FBXO16: variants seen among roughly 807,000 people sequenced by gnomAD.
FBXO16 encodes the protein F-box only protein 16.
Under a neutral mutation model 41.0 loss-of-function variants are expected in FBXO16, and 31 were observed. That is an observed-to-expected ratio of 0.76 (90% CI 0.57 to 1.02). The LOEUF (loss-of-function observed/expected upper bound fraction) is 1.02, where lower values mean the gene tolerates loss of function less well. Ranked by LOEUF, FBXO16 falls within the 50% of genes least tolerant of loss-of-function variation. The pLI, the probability that FBXO16 is intolerant of heterozygous loss-of-function variation, is 0.00. For missense variants in FBXO16, 361 were observed against 346.2 expected (o/e 1.04, Z -0.34); for synonymous variants, 133 against 117.8 (o/e 1.13, Z -0.84).
In FBXO16 at chr8:28,479,693, T is replaced by C. The variant is rs6997914; in HGVS notation, c.99+3655A>G. ...TGCAAACAGGTGCTCAGTAAATTACTGTTGAGCTGGATAAAAACTATTTTC... is the reference window on the plus strand; with the variant it reads ...TGCAAACAGGTGCTCAGTAAATTACCGTTGAGCTGGATAAAAACTATTTTC... On this transcript the variant is annotated intron_variant, in intron 2 of 8. Coordinates refer to ENST00000380254, the MANE Select transcript of FBXO16 (RefSeq NM_172366.4). Among the ~76,000 whole-genome samples, 476 of 152,176 alleles carry C rather than the reference T, an allele frequency of 3.1e-3. 3 individuals are homozygous for C. The highest frequency in any genetic ancestry group is 0.011 in the African/African-American group (440 of 41,540).
intron 1 of FBXO16, among the ~76,000 whole-genome samples, chr8:28,486,553 T>C (rs907238504): frequency 1.3e-5 from 2 of 152,006 alleles, no homozygotes; most frequent in African/African-American, 4.8e-5. Context: ...AAACTAGTTG[T>C]TTTGTTGCCT....
In FBXO16 at chr8:28,458,110, TTAAA is replaced by T. The variant is rs370028852; in HGVS notation, c.343-1184_343-1181del. Among the ~76,000 whole-genome samples, 95 of 152,350 alleles carry T rather than the reference TTAAA, an allele frequency of 6.2e-4. 5 individuals carry two copies. The South Asian group carries it at 0.02, about 32-fold the overall frequency. The stretch of plus-strand genomic sequence containing the variant: ...AAACTGGCCTCTTTTTCAAGATCAA[TTAAA>T]TAATTAATAATTTTTGAGTGCCCCC... On this transcript the variant is annotated intron_variant, in intron 4 of 8. Transcript: ENST00000380254.
chr8:28,465,325 G>C (rs536380953), intron 3 of FBXO16: 9 of 426,738 alleles, frequency 2.1e-5, no homozygotes, highest in Admixed American at 7.5e-5. Flanking sequence ...GAAATGTGTT[G>C]AAGAAAGGAG....
rs1309398278 is a variant in FBXO16 at position 28,459,628 on chromosome 8, AT to A, written c.343-2699del. ...AGAGCGAGACCCTGTCTCAAAAATA[AT>A]AATAATAATAATAATAATAATAATA... is the stretch of plus-strand genomic sequence containing the variant. On this transcript the variant is annotated intron_variant, in intron 4 of 8. Transcript: ENST00000380254. Among the ~76,000 whole-genome samples, 20 of 123,524 alleles carry A rather than the reference AT, an allele frequency of 1.6e-4. 1 individual carries two copies. The highest frequency in any genetic ancestry group is 5.8e-4 in the African/African-American group (18 of 30,790). The allele number at this position is 123,524 out of a possible 152,430, so 81.0% of individuals were successfully genotyped here. A position where few individuals can be genotyped will look rare whatever the true frequency, so the allele number is the denominator to read the frequency against.
intron 3 of FBXO16, among the ~76,000 whole-genome samples, chr8:28,469,197 C>T (rs1437875286): frequency 6.6e-6 from 1 of 151,948 alleles, no homozygotes; most frequent in Admixed American, 6.6e-5. Flanking sequence ...CCTGTAATCC[C>T]AGCTACTCGG....
chr8:28,469,583 C>T (rs1035769550), intron 3 of FBXO16, among the ~76,000 whole-genome samples: 2 of 152,138 alleles, frequency 1.3e-5, no homozygotes, highest in Non-Finnish European at 2.9e-5. Flanking sequence ...ACACCCATCC[C>T]AGGGAACACT....
intron 1 of FBXO16, among the ~76,000 whole-genome samples, chr8:28,485,853 A>G (rs1426878673): frequency 6.6e-6 from 1 of 152,230 alleles, no homozygotes; most frequent in African/African-American, 2.4e-5. Flanking sequence ...CACACCTGTA[A>G]TAGCAGCACT....
intron 7 of FBXO16, among the ~76,000 whole-genome samples, chr8:28,440,446 G>A (rs1446461806): frequency 6.6e-6 from 1 of 152,116 alleles, no homozygotes; most frequent in African/African-American, 2.4e-5. Flanking sequence ...GAATTTGAGT[G>A]ACTACTCATT....
chr8:28,479,516 CTAAT>C (rs1055830974), intron 2 of FBXO16, among the ~76,000 whole-genome samples: 3 of 152,248 alleles, frequency 2.0e-5, no homozygotes, highest in Middle Eastern at 3.4e-3. Flanking sequence ...ATCAAGGAAT[CTAAT>C]TAACGCATAT....
chr8:28,471,639 G>A (rs1391150240), intron 3 of FBXO16, among the ~76,000 whole-genome samples: 2 of 151,888 alleles, frequency 1.3e-5, no homozygotes, highest in African/African-American at 4.8e-5. Context: ...TGATTTTAAG[G>A]AATAAGTTTG....
intron 7 of FBXO16, among the ~76,000 whole-genome samples, chr8:28,429,855 C>T (rs149834293): frequency 2.6e-5 from 4 of 152,300 alleles, no homozygotes; most frequent in South Asian, 2.1e-4. Flanking sequence ...GCAGTCCTCC[C>T]GTAAGTCTAA....
chr8:28,461,291 T>A (rs1803130593), intron 4 of FBXO16, among the ~76,000 whole-genome samples: 1 of 152,188 alleles, frequency 6.6e-6, no homozygotes, highest in South Asian at 2.1e-4. Flanking sequence ...GCAAAGGGAA[T>A]TTTTATTTGA....
intron 4 of FBXO16, among the ~76,000 whole-genome samples, chr8:28,460,245 A>ATATAT (rs1477457728): frequency 6.3e-4 from 54 of 85,446 alleles, no homozygotes; most frequent in African/African-American, 3.2e-3. Context: ...ATATATATAT[A>ATATAT]TTTTTTTTTT....
chr8:28,471,409 CCCTT>C (rs541211337), intron 3 of FBXO16, among the ~76,000 whole-genome samples: 86 of 151,316 alleles, frequency 5.7e-4, no homozygotes, highest in African/African-American at 1.0e-3. Flanking sequence ...TCCTTATTTC[CCCTT>C]CCTTCCTTCC....
intron 7 of FBXO16, among the ~76,000 whole-genome samples, chr8:28,443,013 A>G (rs1802804938): frequency 6.8e-6 from 1 of 147,388 alleles, no homozygotes; most frequent in Non-Finnish European, 1.5e-5. Flanking sequence ...ACTAAGGAAT[A>G]TTACTTGTAC....
In FBXO16 at chr8:28,428,755, T is replaced by A. The variant is rs752842065; in HGVS notation, c.870-19A>T. On this transcript the variant is annotated intron_variant, in intron 8 of 8. Transcript: ENST00000380254. ...GGGACATCTAGAAAGGAAAAAGGAA[T>A]CATGAAAGCGAGGGTTATTGAAATA... 7 of 1,502,314 alleles carry A rather than the reference T, an allele frequency of 4.7e-6. No homozygotes were observed. In the South Asian group the frequency reaches 9.5e-5, roughly 20 times the overall value. The allele number at this position is 1,502,314 out of a possible 1,614,324, so 93.1% of individuals were successfully genotyped here.
intron 3 of FBXO16, among the ~76,000 whole-genome samples, chr8:28,469,182 A>G (rs184445932): frequency 0.026 from 3,959 of 151,656 alleles, 69 homozygotes; most frequent in African/African-American, 0.051. Flanking sequence ...GCATGGTGGC[A>G]CATGCCTGTA....
At chr8:28,469,246 G>T (rs1021585668) in intron 3 of FBXO16, among the ~76,000 whole-genome samples, 20 of 151,986 alleles carry the variant, frequency 1.3e-4, no homozygotes, top group Non-Finnish European at 1.9e-4. Flanking sequence ...CTGGGAGGCG[G>T]AGGTTGTGGT....
chr8:28,430,563 T>A (rs1052768246), intron 7 of FBXO16, among the ~76,000 whole-genome samples: 6 of 152,186 alleles, frequency 3.9e-5, no homozygotes, highest in Non-Finnish European at 8.8e-5. Context: ...TTCGGTGTTG[T>A]TTAAGGTCCC....
Sources: allele counts gnomAD v4.1 joint callset (sites outside exome capture counted in the v4.1 genomes callset), GRCh38; gene constraint gnomAD v4.1.1; transcripts MANE v1.5; gene names NCBI Gene and HGNC (gene_info 2026-07-23, HGNC 2026-07-21).